The following CASQ2 variants were observed in gnomAD, a reference collection of about 807,000 sequenced individuals.
CASQ2 encodes the protein calsequestrin 2.
A neutral mutation model predicts 46.5 loss-of-function variants in CASQ2; 49 were observed. That is an observed-to-expected ratio of 1.05 (90% CI 0.84 to 1.34). CASQ2 has a LOEUF of 1.34. Ranked by LOEUF, CASQ2 falls within the 40% of genes most tolerant of loss-of-function variation. CASQ2 has a pLI of 0.00. For synonymous variants in CASQ2, 174 were observed against 168.5 expected (o/e 1.03, Z -0.25); for missense variants, 486 against 481.3 (o/e 1.01, Z -0.09).
chr1:115,706,153 C>T (rs950339277), intron 8 of CASQ2, among the ~76,000 whole-genome samples: 5 of 149,042 alleles, frequency 3.4e-5, no homozygotes, highest in Non-Finnish European at 7.5e-5. Flanking sequence ...TGTGTGCGTG[C>T]GTGTGTGTAT....
intron 8 of CASQ2, among the ~76,000 whole-genome samples, chr1:115,717,042 A>C (rs4402131): frequency 0.028 from 4,206 of 152,216 alleles, 82 homozygotes; most frequent in Non-Finnish European, 0.043. Context: ...GTTATATAAA[A>C]GTGTGTGGCA....
At chr1:115,710,717 C>T (rs539918455) in intron 8 of CASQ2, among the ~76,000 whole-genome samples, 2 of 152,112 alleles carry the variant, frequency 1.3e-5, no homozygotes, top group Non-Finnish European at 2.9e-5. Context: ...CTGAGTGGGA[C>T]TGGCGTCTCA....
Position 115,700,894 on chromosome 1 carries a change from C to G in CASQ2, c.*347G>C. The G allele has an allele frequency of 1.7e-6, 1 of 591,744 alleles. No individual in the cohort carries two copies. Among genetic ancestry groups the G allele is most frequent in the African/African-American group, 1.9e-5 (1 of 53,870 alleles). The allele number at this position is 591,744 out of a possible 1,614,324, so 36.7% of individuals were successfully genotyped here. Reference sequence around the variant, plus strand: ...CTGTCAATTTTGTTACTGTCATAATCAAAGACAAGTAAACTTGTGTTAGGG... The same window carrying G: ...CTGTCAATTTTGTTACTGTCATAATGAAAGACAAGTAAACTTGTGTTAGGG... On this transcript the variant is annotated 3_prime_UTR_variant, in exon 11 of 11. Coordinates refer to ENST00000261448, the MANE Select transcript of CASQ2 (RefSeq NM_001232.4).
intron 1 of CASQ2, among the ~76,000 whole-genome samples, chr1:115,756,968 A>T (rs79443918): frequency 0.029 from 4,452 of 151,724 alleles, 101 homozygotes; most frequent in East Asian, 0.11. Flanking sequence ...ATAAATAAAT[A>T]AAAAAAAACT....
At chr1:115,746,080 T>C (rs961265715) in intron 1 of CASQ2, among the ~76,000 whole-genome samples, 8 of 152,222 alleles carry the variant, frequency 5.3e-5, no homozygotes, top group African/African-American at 1.7e-4. Context: ...TTATATAGTA[T>C]GTAACCTTTT....
chr1:115,729,491 T>C (rs965830936), intron 5 of CASQ2, among the ~76,000 whole-genome samples: 4 of 152,178 alleles, frequency 2.6e-5, no homozygotes, highest in African/African-American at 9.7e-5. Context: ...CAGGAGGAGA[T>C]CTGGTTCATG....
At chr1:115,750,696 T>C (rs1430138092) in intron 1 of CASQ2, among the ~76,000 whole-genome samples, 1 of 152,110 alleles carries the variant, frequency 6.6e-6, no homozygotes, top group Non-Finnish European at 1.5e-5. Flanking sequence ...TTTGTCGAGA[T>C]AGGGTCTTGC....
intron 7 of CASQ2, among the ~76,000 whole-genome samples, chr1:115,721,891 T>TA (rs1388253609): frequency 2.0e-5 from 3 of 152,168 alleles, no homozygotes; most frequent in African/African-American, 7.2e-5. Context: ...TGAAGTTCAT[T>TA]AACTGGTCAC....
intron 1 of CASQ2, among the ~76,000 whole-genome samples, chr1:115,752,614 G>A (rs1251347875): frequency 1.3e-5 from 2 of 152,148 alleles, no homozygotes; most frequent in African/African-American, 4.8e-5. Flanking sequence ...GGGTGTGCAG[G>A]AGAACAGGCT....
intron 5 of CASQ2, among the ~76,000 whole-genome samples, chr1:115,727,556 T>C (rs974520632): frequency 6.6e-6 from 1 of 152,238 alleles, no homozygotes; most frequent in Non-Finnish European, 1.5e-5. Context: ...GGCATATAGG[T>C]ACTCAGAATC....
intron 9 of CASQ2, among the ~76,000 whole-genome samples, 157 bp downstream of exon 9, chr1:115,705,035 T>G (rs966464450): frequency 6.6e-6 from 1 of 152,202 alleles, no homozygotes; most frequent in Non-Finnish European, 1.5e-5. Flanking sequence ...AGGCCCCAAG[T>G]TCAATACTGC....
At chr1:115,721,542 A>G (rs964901061) in intron 7 of CASQ2, among the ~76,000 whole-genome samples, 2 of 152,160 alleles carry the variant, frequency 1.3e-5, no homozygotes. Context: ...CGGGAAGTAG[A>G]TGTCTGGGGA....
In CASQ2 at chr1:115,722,261, A is replaced by C. The variant is rs116178130; in HGVS notation, c.783+3247T>G. ...ATTCAATACGCTGCTCTCTTCCCCAAGTTAAGAACAATTCAATATGCAATA... is the reference window on the plus strand; with the variant it reads ...ATTCAATACGCTGCTCTCTTCCCCACGTTAAGAACAATTCAATATGCAATA... On this transcript the variant is annotated intron_variant, in intron 7 of 10. Coordinates refer to ENST00000261448, the MANE Select transcript of CASQ2 (RefSeq NM_001232.4). 2.7e-3 allele frequency among the ~76,000 whole-genome samples: 409 copies of C among 152,348 alleles called. 2 individuals carry two copies. Among genetic ancestry groups the C allele is most frequent in the Non-Finnish European group, 4.6e-3 (313 of 68,038 alleles).
intron 8 of CASQ2, among the ~76,000 whole-genome samples, chr1:115,714,501 AACTGTATTATTTTCCTGG>A (rs1202386020): frequency 6.6e-6 from 1 of 152,132 alleles, no homozygotes; most frequent in African/African-American, 2.4e-5. Context: ...CTTTAAGAAG[AACTGTATTATTTTCCTGG>A]AGGTATGATC....
chr1:115,761,441 A>G (rs1438966615), intron 1 of CASQ2, among the ~76,000 whole-genome samples: 2 of 7,180 alleles, frequency 2.8e-4, no homozygotes, highest in African/African-American at 5.1e-4. Context: ...AGAAGAAGAA[A>G]GAAGAAGAAG....
Position 115,768,621 on chromosome 1 carries a change from G to T in CASQ2, c.-80C>A. On this transcript the variant is annotated 5_prime_UTR_variant, in exon 1 of 11. Transcript: ENST00000261448. ...AGAAGACTGTTAGAGGCCTTGTTGA[G>T]CCAAGGAGAGAGCAGACAGGCTGAT... The T allele has an allele frequency of 1.1e-6, 1 of 902,560 alleles. No homozygotes were observed. The highest frequency in any genetic ancestry group is 1.8e-6 in the Non-Finnish European group (1 of 560,808). 55.9% of individuals were successfully genotyped at this position (902,560 alleles called of 1,614,324 possible).
At chr1:115,758,758 GC>G (rs1331900245) in intron 1 of CASQ2, among the ~76,000 whole-genome samples, 5 of 152,144 alleles carry the variant, frequency 3.3e-5, no homozygotes, top group African/African-American at 9.7e-5. Context: ...TGTGATCTCT[GC>G]ACACATCAGC....
At chr1:115,734,163 A>G (rs1426921237) in intron 4 of CASQ2, among the ~76,000 whole-genome samples, 1 of 152,240 alleles carries the variant, frequency 6.6e-6, no homozygotes, top group Non-Finnish European at 1.5e-5. Context: ...ATCCTGTAAC[A>G]TCATAGCTGG....
At chr1:115,765,528 G>A (rs556885227) in intron 1 of CASQ2, among the ~76,000 whole-genome samples, 29 of 152,066 alleles carry the variant, frequency 1.9e-4, no homozygotes, top group African/African-American at 6.5e-4. Flanking sequence ...ACTGGAGAGG[G>A]AAATCAACTT....
Sources: gnomAD v4.1 joint callset for allele counts (sites outside exome capture counted in the v4.1 genomes callset) on GRCh38, gnomAD v4.1.1 for gene constraint, MANE v1.5 for transcripts, NCBI Gene and HGNC (gene_info 2026-07-23, HGNC 2026-07-21) for gene names.